The following NELL1 variants were observed in gnomAD, a reference collection of about 807,000 sequenced individuals.
The protein encoded by NELL1 is neural EGFL like 1.
Under a neutral mutation model 107.4 loss-of-function variants are expected in NELL1, and 76 were observed. That is an observed-to-expected ratio of 0.71 (90% CI 0.59 to 0.86). The LOEUF is 0.86. NELL1 is among the 40% of genes least tolerant of loss of function. The probability of loss-of-function intolerance (pLI) is 0.00; values close to 1 mark genes in which losing one functional copy is unlikely to be tolerated. For missense variants in NELL1, 1,024 were observed against 1,005.5 expected, an observed-to-expected ratio of 1.02 and a Z score of -0.25; for synonymous variants, 353 against 341.2, an observed-to-expected ratio of 1.03 and a Z score of -0.38.
chr11:21,047,853 A>G (rs949212824), intron 12 of NELL1, among the ~76,000 whole-genome samples: 1 of 152,144 alleles, frequency 6.6e-6, no homozygotes, highest in African/African-American at 2.4e-5. Flanking sequence ...GCAGCTGAGG[A>G]TGTGAGCGAA....
At chr11:21,475,422 C>T (rs1360310244) in intron 15 of NELL1, among the ~76,000 whole-genome samples, 3 of 152,156 alleles carry the variant, frequency 2.0e-5, no homozygotes, top group Non-Finnish European at 2.9e-5. Flanking sequence ...TAAACAGCCA[C>T]ATTCCTTGTC....
chr11:21,186,413 C>T (rs910295734), intron 13 of NELL1, among the ~76,000 whole-genome samples: 1 of 151,850 alleles, frequency 6.6e-6, no homozygotes, highest in African/African-American at 2.4e-5. Flanking sequence ...CTTGTTTTTA[C>T]CCAGACTCAG....
At chr11:20,818,421 T>G (rs1857673759) in intron 3 of NELL1, among the ~76,000 whole-genome samples, 3 of 150,684 alleles carry the variant, frequency 2.0e-5, no homozygotes. Context: ...TTTTTTTTTT[T>G]TTTTTTTTGT....
intron 2 of NELL1, among the ~76,000 whole-genome samples, chr11:20,699,563 T>C (rs1456145143): frequency 6.6e-6 from 1 of 152,094 alleles, no homozygotes; most frequent in African/African-American, 2.4e-5. Context: ...TTTCACCATA[T>C]TGGCCAGGCT....
At chr11:20,915,717 A>ATATTTTTTT in intron 5 of NELL1, among the ~76,000 whole-genome samples, 1 of 58,218 alleles carries the variant, frequency 1.7e-5, no homozygotes, top group Non-Finnish European at 2.9e-5. Context: ...ATATATATAT[A>ATATTTTTTT]TTTTTTTTTT....
intron 2 of NELL1, among the ~76,000 whole-genome samples, chr11:20,744,710 T>C (rs1855965593): frequency 6.6e-6 from 1 of 152,230 alleles, no homozygotes; most frequent in Non-Finnish European, 1.5e-5. Context: ...CCTTTGCATA[T>C]ATCACATCTA....
chr11:20,718,540 G>A (rs1005373407), intron 2 of NELL1, among the ~76,000 whole-genome samples: 1 of 151,836 alleles, frequency 6.6e-6, no homozygotes, highest in Non-Finnish European at 1.5e-5. Context: ...GCACAGTACT[G>A]GGTACTGGGA....
intron 2 of NELL1, among the ~76,000 whole-genome samples, chr11:20,679,088 A>C (rs11603167): frequency 6.6e-6 from 1 of 152,034 alleles, no homozygotes; most frequent in Non-Finnish European, 1.5e-5. Flanking sequence ...GTTACATGGG[A>C]CCCTGTTGTC....
intron 12 of NELL1, chr11:21,001,021 A>G (rs1364695020): frequency 6.6e-6 from 1 of 151,798 alleles, no homozygotes; most frequent in Admixed American, 6.6e-5. Context: ...CTCACAAAGA[A>G]CTCTCTTTTC....
rs1182478181 is a variant in NELL1 at position 21,467,698 on chromosome 11, AG to A, written c.1646-66674del. 3.3e-5 allele frequency among the ~76,000 whole-genome samples: 5 copies of A among 152,170 alleles called. No homozygotes were observed. The East Asian group carries it at 7.7e-4, about 24-fold the overall frequency. ...GATGATTTTTCAAGATTATGTATAT[AG>A]GAAGTTTATATTAAAATGTTGTTTC... On this transcript the variant is annotated intron_variant, in intron 15 of 19. Coordinates refer to ENST00000357134, the MANE Select transcript of NELL1 (RefSeq NM_006157.5).
chr11:21,237,330 A>G (rs1858235212), intron 14 of NELL1, among the ~76,000 whole-genome samples: 1 of 152,236 alleles, frequency 6.6e-6, no homozygotes, highest in Middle Eastern at 3.4e-3. Context: ...TTTTCTGATT[A>G]AGTCTCTTTG....
intron 14 of NELL1, among the ~76,000 whole-genome samples, chr11:21,315,983 A>G (rs999269503): frequency 6.6e-6 from 1 of 151,978 alleles, no homozygotes; most frequent in African/African-American, 2.4e-5. Context: ...ATTACTTTTT[A>G]CCTATTACTT....
At chr11:20,739,256 G>C (rs962852566) in intron 2 of NELL1, among the ~76,000 whole-genome samples, 1 of 152,196 alleles carries the variant, frequency 6.6e-6, no homozygotes, top group African/African-American at 2.4e-5. Context: ...TCCAGGGCCC[G>C]TTGACATTGT....
intron 2 of NELL1, among the ~76,000 whole-genome samples, chr11:20,707,658 T>G (rs2511369): frequency 6.6e-6 from 1 of 152,036 alleles, no homozygotes; most frequent in Non-Finnish European, 1.5e-5. Context: ...TTGCCTGGGT[T>G]TCACCAGTAG....
intron 15 of NELL1, among the ~76,000 whole-genome samples, chr11:21,460,020 A>G (rs541467466): frequency 1.2e-4 from 18 of 152,242 alleles, no homozygotes; most frequent in Non-Finnish European, 1.9e-4. Flanking sequence ...CTAACCTCAT[A>G]GACAAATAAA....
intron 12 of NELL1, among the ~76,000 whole-genome samples, chr11:20,998,665 T>TAATGTTGAC (rs1852145728): frequency 6.6e-6 from 1 of 152,236 alleles, no homozygotes; most frequent in South Asian, 2.1e-4. Flanking sequence ...GCTTGGTCAA[T>TAATGTTGAC]AATGTTGACC....
intron 4 of NELL1, among the ~76,000 whole-genome samples, chr11:20,869,419 T>G (rs1488814859): frequency 1.3e-5 from 2 of 152,202 alleles, no homozygotes; most frequent in African/African-American, 4.8e-5. Flanking sequence ...AACCTTTTCA[T>G]CAACCTAGTA....
At chr11:21,343,318 C>T (rs2133706942) in intron 14 of NELL1, among the ~76,000 whole-genome samples, 1 of 152,138 alleles carries the variant, frequency 6.6e-6, no homozygotes, top group Non-Finnish European at 1.5e-5. Context: ...GATCTCGTTG[C>T]TCAACGAGTC....
chr11:20,871,789 G>A (rs1417688437), intron 4 of NELL1, among the ~76,000 whole-genome samples: 1 of 151,924 alleles, frequency 6.6e-6, no homozygotes, highest in Non-Finnish European at 1.5e-5. Flanking sequence ...GGAGGCCGAG[G>A]CGGGCAGATC....
Sources: allele counts gnomAD v4.1 joint callset (sites outside exome capture counted in the v4.1 genomes callset), GRCh38; gene constraint gnomAD v4.1.1; transcripts MANE v1.5; gene names NCBI Gene and HGNC (gene_info 2026-07-23, HGNC 2026-07-21).